CAST: variants seen among roughly 807,000 people sequenced by gnomAD.
The protein encoded by CAST is MIR583 host.
A neutral mutation model predicts 119.6 loss-of-function variants in CAST; 76 were observed. The observed-to-expected ratio is 0.64, with a 90% CI of 0.53 to 0.77. The LOEUF (loss-of-function observed/expected upper bound fraction) is 0.77. Ranked by LOEUF, CAST falls within the 30% of genes least tolerant of loss-of-function variation. CAST has a pLI of 0.00. For missense variants in CAST, 953 were observed against 946.5 expected (o/e 1.01, Z -0.09); for synonymous variants, 319 against 331.6 (o/e 0.96, Z 0.41).
At chr5:96,164,800 C>A in the CAST span, among the ~76,000 whole-genome samples, 2 of 152,062 alleles carry the variant, frequency 1.3e-5, no homozygotes, top group African/African-American at 2.4e-5. Context: ...ATGCCATAAG[C>A]CTAGATCTAA....
chr5:96,578,957 T>A (rs1746722870), intron 1 of CAST, among the ~76,000 whole-genome samples: 1 of 152,218 alleles, frequency 6.6e-6, no homozygotes, highest in South Asian at 2.1e-4. Context: ...TTGCTTGGCT[T>A]ACCTGTTGCT....
chr5:96,571,226 G>A (rs1006066890), intron 1 of CAST, among the ~76,000 whole-genome samples: 3 of 152,100 alleles, frequency 2.0e-5, no homozygotes, highest in Non-Finnish European at 2.9e-5. Context: ...CTTCACTTCC[G>A]TAGAGATAGG....
the CAST span, among the ~76,000 whole-genome samples, chr5:96,502,721 T>G: frequency 2.6e-5 from 4 of 151,992 alleles, no homozygotes; most frequent in Admixed American, 2.0e-4. Context: ...TGGGAGTTTA[T>G]GTTTTTTACT....
the CAST span, among the ~76,000 whole-genome samples, chr5:96,180,184 A>G: frequency 3.3e-4 from 50 of 152,298 alleles, 1 homozygote; most frequent in African/African-American, 1.1e-3. Context: ...CGAATGATGA[A>G]ATGTCCAAGC....
At chr5:96,770,080 C>T (rs1771700275) in intron 29 of CAST, 1 of 158,448 alleles carries the variant, frequency 6.3e-6, no homozygotes, top group East Asian at 1.7e-4. Context: ...GGGTATATAC[C>T]CAGAAGAGGG....
chr5:96,547,436 C>T (rs1018563578), intron 1 of CAST, among the ~76,000 whole-genome samples: 2 of 152,158 alleles, frequency 1.3e-5, no homozygotes, highest in African/African-American at 4.8e-5. Context: ...GACAGATGTC[C>T]CAGCTCAAGG....
At chr5:96,442,213 C>G in the CAST span, among the ~76,000 whole-genome samples, 1 of 152,194 alleles carries the variant, frequency 6.6e-6, no homozygotes, top group Non-Finnish European at 1.5e-5. Context: ...CCTCTCTACC[C>G]CTTACCAGCA....
At chr5:96,579,030 C>G (rs1309089806) in intron 1 of CAST, among the ~76,000 whole-genome samples, 1 of 152,218 alleles carries the variant, frequency 6.6e-6, no homozygotes, top group East Asian at 1.9e-4. Context: ...TTTCCCTAGA[C>G]TAGGCTGCTT....
At chr5:96,463,321 G>C in the CAST span, among the ~76,000 whole-genome samples, 1 of 152,106 alleles carries the variant, frequency 6.6e-6, no homozygotes, top group African/African-American at 2.4e-5. Context: ...TAAATGTCAA[G>C]TGTTCTTTTC....
intron 1 of CAST, among the ~76,000 whole-genome samples, chr5:96,602,451 G>A (rs1478219467): frequency 1.4e-4 from 22 of 152,104 alleles, no homozygotes; most frequent in Admixed American, 1.4e-3. Flanking sequence ...TATTATAAAG[G>A]AACTAAACAG....
chr5:96,224,199 C>A, the CAST span, among the ~76,000 whole-genome samples: 1 of 152,130 alleles, frequency 6.6e-6, no homozygotes, highest in African/African-American at 2.4e-5. Flanking sequence ...TCTTGGGGCT[C>A]ACAACTGAAA....
At chr5:96,523,675 A>G (rs1322395650), upstream of CAST, among the ~76,000 whole-genome samples, 1 of 152,254 alleles carries the variant, frequency 6.6e-6, no homozygotes, top group Non-Finnish European at 1.5e-5. Flanking sequence ...AGTTGGTCAC[A>G]GCCAGGACTA....
the CAST span, among the ~76,000 whole-genome samples, chr5:96,290,482 G>A: frequency 4.0e-5 from 2 of 49,528 alleles, no homozygotes; most frequent in African/African-American, 2.0e-4. Flanking sequence ...ATAAAACTCA[G>A]ACTCATCCAC....
the CAST span, among the ~76,000 whole-genome samples, chr5:96,063,021 T>A: frequency 6.6e-6 from 1 of 152,102 alleles, no homozygotes; most frequent in African/African-American, 2.4e-5. Flanking sequence ...CTCTCTCACA[T>A]AAACTTCTGC....
chr5:96,124,766 T>C, the CAST span, among the ~76,000 whole-genome samples: 1 of 152,176 alleles, frequency 6.6e-6, no homozygotes, highest in Non-Finnish European at 1.5e-5. Flanking sequence ...ATTGTTCTCA[T>C]ATAAATGTTA....
At chr5:96,395,034 T>C in the CAST span, 102 of 1,599,814 alleles carry the variant, frequency 6.4e-5, no homozygotes, top group African/African-American at 1.3e-3. Context: ...GACTAACAAA[T>C]AAGCATACCT....
At chr5:96,106,381 C>G in the CAST span, among the ~76,000 whole-genome samples, 1 of 152,200 alleles carries the variant, frequency 6.6e-6, no homozygotes, top group African/African-American at 2.4e-5. Flanking sequence ...TTTCCCTCTA[C>G]ACACTGCTTT....
the CAST span, among the ~76,000 whole-genome samples, chr5:96,153,154 C>T: frequency 0.31 from 47,329 of 151,824 alleles, 7,606 homozygotes; most frequent in Middle Eastern, 0.39. Flanking sequence ...ATTTTTTTTC[C>T]TTGGCAGCAT....
the CAST span, among the ~76,000 whole-genome samples, chr5:96,209,957 G>T: frequency 1.8e-4 from 28 of 151,468 alleles, no homozygotes; most frequent in South Asian, 5.6e-3. Context: ...CTCTTTCAGG[G>T]ATGCCAATGA....
Sources: allele counts gnomAD v4.1 joint callset (sites outside exome capture counted in the v4.1 genomes callset), GRCh38; gene constraint gnomAD v4.1.1; transcripts MANE v1.5; gene names NCBI Gene and HGNC (gene_info 2026-07-23, HGNC 2026-07-21).